The following CHODL variants were observed in gnomAD, a reference collection of about 807,000 sequenced individuals.
CHODL encodes transmembrane protein MT75.
CHODL carries 29 observed loss-of-function variants against 34.5 expected under a neutral mutation model. That is an observed-to-expected ratio of 0.84 (90% CI 0.63 to 1.15). CHODL has a LOEUF of 1.15. Ranked by LOEUF, CHODL falls within the 50% of genes most tolerant of loss-of-function variation. CHODL has a pLI of 0.00. For synonymous variants in CHODL, 125 were observed against 116.1 expected, an observed-to-expected ratio of 1.08 and a Z score of -0.49; for missense variants, 332 against 332.5, an observed-to-expected ratio of 1.00 and a Z score of 0.01.
At chr21:18,169,162 A>G (rs2073195014) in intron 2 of CHODL, among the ~76,000 whole-genome samples, 1 of 152,072 alleles carries the variant, frequency 6.6e-6, no homozygotes, top group Non-Finnish European at 1.5e-5. Flanking sequence ...TTTTCTTTGT[A>G]AAAAATTTTT....
At chr21:18,011,523 A>C (rs1256745819) in intron 1 of CHODL, among the ~76,000 whole-genome samples, 3 of 152,168 alleles carry the variant, frequency 2.0e-5, no homozygotes, top group African/African-American at 7.2e-5. Flanking sequence ...CTCTTATTGA[A>C]AATGTCATCC....
intron 1 of CHODL, among the ~76,000 whole-genome samples, chr21:17,968,308 A>G (rs1450625397): frequency 6.6e-6 from 1 of 152,170 alleles, no homozygotes; most frequent in South Asian, 2.1e-4. Flanking sequence ...TGTTACTAGC[A>G]TGTCTTTTTC....
intron 2 of CHODL, among the ~76,000 whole-genome samples, chr21:18,213,402 A>G (rs1321901248): frequency 6.6e-6 from 1 of 152,106 alleles, no homozygotes; most frequent in East Asian, 1.9e-4. Context: ...AGTATACACC[A>G]ACTAAACAAC....
intron 1 of CHODL, among the ~76,000 whole-genome samples, chr21:17,945,634 C>T (rs9636659): frequency 0.43 from 65,873 of 151,884 alleles, 14,661 homozygotes; most frequent in East Asian, 0.61. Flanking sequence ...ACCTTTCAAT[C>T]ACAGGAATTC....
chr21:18,221,558 C>A (rs2073883805), intron 2 of CHODL, among the ~76,000 whole-genome samples: 3 of 152,208 alleles, frequency 2.0e-5, no homozygotes, highest in Admixed American at 2.0e-4. Context: ...CTCTTTCAAT[C>A]ATCTCAATTA....
intron 1 of CHODL, among the ~76,000 whole-genome samples, chr21:18,256,271 A>AAACCT (rs1453074270): frequency 2.0e-5 from 3 of 152,168 alleles, no homozygotes; most frequent in Non-Finnish European, 4.4e-5. Flanking sequence ...CTTCCCTTAC[A>AAACCT]AACCTTGCTT....
chr21:18,095,744 A>G (rs991939237), intron 2 of CHODL, among the ~76,000 whole-genome samples: 2 of 152,228 alleles, frequency 1.3e-5, no homozygotes, highest in African/African-American at 2.4e-5. Flanking sequence ...TATTAATGCA[A>G]TGATTCTCAA....
chr21:18,037,703 T>G, intron 2 of CHODL, among the ~76,000 whole-genome samples: 1 of 151,736 alleles, frequency 6.6e-6, no homozygotes, highest in East Asian at 1.9e-4. Context: ...ATAAAAAGAA[T>G]AAGTGGGTAA....
At chr21:17,964,046 TTGAC>T (rs1209012859) in intron 1 of CHODL, among the ~76,000 whole-genome samples, 1 of 152,216 alleles carries the variant, frequency 6.6e-6, no homozygotes, top group East Asian at 1.9e-4. Context: ...TTATTTGTCT[TTGAC>T]TGTGAAACTA....
intron 2 of CHODL, among the ~76,000 whole-genome samples, chr21:18,183,812 C>T (rs78521374): frequency 2.0e-5 from 3 of 151,588 alleles, no homozygotes; most frequent in Non-Finnish European, 4.4e-5. Flanking sequence ...GTTCAATATT[C>T]GAATCTGAAG....
intron 2 of CHODL, among the ~76,000 whole-genome samples, chr21:18,216,183 A>G (rs1347176444): frequency 6.6e-6 from 1 of 151,970 alleles, no homozygotes; most frequent in East Asian, 1.9e-4. Context: ...TTTATGGGGT[A>G]CGTGTAATAT....
At chr21:18,265,717 A>G (rs1303706347) in intron 5 of CHODL, among the ~76,000 whole-genome samples, 1 of 152,194 alleles carries the variant, frequency 6.6e-6, no homozygotes, top group African/African-American at 2.4e-5. Flanking sequence ...AATGAACTCT[A>G]AATTAGGAAA....
At chr21:18,024,632 G>A (rs2064156462) in intron 1 of CHODL, 1 of 152,156 alleles carries the variant, frequency 6.6e-6, no homozygotes, top group South Asian at 2.1e-4. Flanking sequence ...TGACATAGTG[G>A]GAAGGAGGGT....
chr21:18,122,984 GATT>G lies in CHODL; in HGVS notation c.-45+95017_-45+95019del, dbSNP rs1461672448. On this transcript the variant is annotated intron_variant, in intron 2 of 6. Transcript: ENST00000400127. ...GATGGTTATTTTACTTCCTATTTGA[GATT>G]ATTGAGATAAACAAGCAGCTTTCGA... Among the ~76,000 whole-genome samples, 5 of 152,158 alleles carry G rather than the reference GATT, an allele frequency of 3.3e-5. No individual in the cohort carries two copies. The South Asian group carries it at 6.2e-4, about 19-fold the overall frequency.
intron 1 of CHODL, among the ~76,000 whole-genome samples, chr21:17,918,740 A>G (rs1284728848): frequency 6.6e-6 from 1 of 152,216 alleles, no homozygotes; most frequent in African/African-American, 2.4e-5. Flanking sequence ...AACTCATTTC[A>G]GCATTAACTC....
At position 18,249,102 on chromosome 21, in the gene CHODL, TA is replaced by T. The variant is rs1228920665; in HGVS notation, c.79+3802del. On this transcript the variant is annotated intron_variant, in intron 1 of 5. Coordinates refer to ENST00000299295, the MANE Select transcript of CHODL (RefSeq NM_024944.3). ...ATATATATAATAAAATATATATATA[TA>T]ATAATATATATATAATAAAATACAT... 8.5e-4 allele frequency among the ~76,000 whole-genome samples: 108 copies of T among 127,386 alleles called. No individual in the cohort carries two copies. In the Middle Eastern group the frequency reaches 0.02, roughly 23 times the overall value. The allele number at this position is 127,386 out of a possible 152,430, so 83.6% of individuals were successfully genotyped here. A position where few individuals can be genotyped will look rare whatever the true frequency, so the allele number is the denominator to read the frequency against.
intron 2 of CHODL, among the ~76,000 whole-genome samples, chr21:18,030,977 CTT>C (rs2146439480): frequency 6.6e-6 from 1 of 152,266 alleles, no homozygotes; most frequent in South Asian, 2.1e-4. Flanking sequence ...TGTTTTATGA[CTT>C]TGCCAAAGAT....
intron 2 of CHODL, among the ~76,000 whole-genome samples, chr21:18,209,338 C>G (rs1249661197): frequency 6.6e-6 from 1 of 152,140 alleles, no homozygotes; most frequent in Non-Finnish European, 1.5e-5. Context: ...TTCCTGGCTA[C>G]AGCTGATGTT....
chr21:18,187,227 CA>C (rs548180213), intron 2 of CHODL, among the ~76,000 whole-genome samples: 1 of 152,262 alleles, frequency 6.6e-6, no homozygotes, highest in African/African-American at 2.4e-5. Flanking sequence ...CCTTTGTATA[CA>C]CCCAGTGTTC....
Sources: gnomAD v4.1 joint callset for allele counts (sites outside exome capture counted in the v4.1 genomes callset) on GRCh38, gnomAD v4.1.1 for gene constraint, MANE v1.5 for transcripts, NCBI Gene and HGNC (gene_info 2026-07-23, HGNC 2026-07-21) for gene names.